CPNE8: variants seen among roughly 807,000 people sequenced by gnomAD.
CPNE8 encodes copine 8.
Under a neutral mutation model 81.5 loss-of-function variants are expected in CPNE8, and 45 were observed. That is an observed-to-expected ratio of 0.55 (90% CI 0.44 to 0.71). The LOEUF is 0.71. Among genes scored for constraint, CPNE8 ranks in the 30% least tolerant of loss-of-function variants. CPNE8 has a pLI of 0.00. For missense variants in CPNE8, 594 were observed against 672.1 expected (o/e 0.88, Z 1.28); for synonymous variants, 252 against 226.3 (o/e 1.11, Z -1.02).
intron 3 of CPNE8, among the ~76,000 whole-genome samples, chr12:38,860,263 A>C (rs1163841452): frequency 6.6e-6 from 1 of 152,000 alleles, no homozygotes; most frequent in South Asian, 2.1e-4. Flanking sequence ...ACATTTCTCC[A>C]AAGAAGATAC....
intron 13 of CPNE8, among the ~76,000 whole-genome samples, chr12:38,708,444 T>C (rs994745246): frequency 6.6e-6 from 1 of 152,100 alleles, no homozygotes; most frequent in Admixed American, 6.6e-5. Flanking sequence ...CACATTTAAA[T>C]CCTCGAAACA....
At chr12:38,788,972 G>A (rs2136923510) in intron 6 of CPNE8, among the ~76,000 whole-genome samples, 1 of 151,808 alleles carries the variant, frequency 6.6e-6, no homozygotes, top group South Asian at 2.1e-4. Context: ...AAAATGAAAA[G>A]ATATTCCATG....
intron 7 of CPNE8, among the ~76,000 whole-genome samples, chr12:38,773,065 G>A (rs1170560340): frequency 1.3e-5 from 2 of 151,946 alleles, no homozygotes; most frequent in Non-Finnish European, 2.9e-5. Context: ...GCCATAAAAA[G>A]ATAAATACTA....
intron 14 of CPNE8, among the ~76,000 whole-genome samples, chr12:38,701,937 GAACT>G (rs1440048653): frequency 2.0e-5 from 3 of 152,160 alleles, no homozygotes; most frequent in Non-Finnish European, 2.9e-5. Flanking sequence ...TCTAACTCTA[GAACT>G]AACAAGTCAA....
At chr12:38,711,098 A>G (rs1565578401) in intron 13 of CPNE8, among the ~76,000 whole-genome samples, 1 of 152,230 alleles carries the variant, frequency 6.6e-6, no homozygotes, top group Non-Finnish European at 1.5e-5. Context: ...AAGAAAAGTT[A>G]TATGTTTCAA....
chr12:38,793,623 G>T (rs973027469), intron 6 of CPNE8, among the ~76,000 whole-genome samples: 17 of 151,926 alleles, frequency 1.1e-4, no homozygotes, highest in Non-Finnish European at 2.5e-4. Flanking sequence ...CTTTAATGTT[G>T]TTAAGATATC....
At chr12:38,749,459 A>G (rs1020885742) in intron 10 of CPNE8, among the ~76,000 whole-genome samples, 2 of 152,210 alleles carry the variant, frequency 1.3e-5, no homozygotes, top group Non-Finnish European at 2.9e-5. Context: ...CAGAGGCTGG[A>G]ACAGCTTGGA....
chr12:38,805,982 C>T (rs369972555), intron 6 of CPNE8, among the ~76,000 whole-genome samples: 1 of 150,340 alleles, frequency 6.7e-6, no homozygotes, highest in Middle Eastern at 3.4e-3. Flanking sequence ...CACCTCTACG[C>T]AAATAAACTA....
chr12:38,822,984 TA>T (rs1319276964), intron 6 of CPNE8, among the ~76,000 whole-genome samples: 1 of 149,646 alleles, frequency 6.7e-6, no homozygotes, highest in Non-Finnish European at 1.5e-5. Flanking sequence ...AGCTGCATGC[TA>T]AAAACATGCC....
At chr12:38,862,397 A>G (rs1371548593) in intron 3 of CPNE8, among the ~76,000 whole-genome samples, 2 of 152,110 alleles carry the variant, frequency 1.3e-5, no homozygotes, top group Non-Finnish European at 2.9e-5. Context: ...AAGCATTCAG[A>G]TGTTGTGGGG....
chr12:38,662,958 C>A lies in CPNE8; in HGVS notation c.1506+7771G>T, dbSNP rs559753231. Among the ~76,000 whole-genome samples the A allele has an allele frequency of 8.5e-5, 13 of 152,084 alleles. 1 individual carries two copies. The East Asian group carries it at 2.5e-3, about 29-fold the overall frequency. On this transcript the variant is annotated intron_variant, in intron 19 of 19. Transcript: ENST00000331366. ...CCATATGCAGAAGAATGAAACTACA[C>A]CCTTATCTATCACCATAAAAAAAAT...
At chr12:38,696,277 C>T (rs1237632733) in intron 14 of CPNE8, among the ~76,000 whole-genome samples, 1 of 151,978 alleles carries the variant, frequency 6.6e-6, no homozygotes, top group Non-Finnish European at 1.5e-5. Context: ...TCTCCTCCTC[C>T]AACTTATGTC....
intron 5 of CPNE8, among the ~76,000 whole-genome samples, chr12:38,835,166 T>C (rs1943359940): frequency 1.3e-5 from 2 of 152,208 alleles, no homozygotes; most frequent in Non-Finnish European, 2.9e-5. Context: ...ATTACAAGCA[T>C]GAGCCACCGC....
chr12:38,669,277 C>G (rs1297668288), intron 19 of CPNE8, among the ~76,000 whole-genome samples: 1 of 152,062 alleles, frequency 6.6e-6, no homozygotes, highest in African/African-American at 2.4e-5. Context: ...ATTTTGCTGA[C>G]TAATGAAGAA....
chr12:38,719,387 C>T (rs907069572), intron 13 of CPNE8, among the ~76,000 whole-genome samples: 5 of 151,902 alleles, frequency 3.3e-5, no homozygotes, highest in South Asian at 2.1e-4. Flanking sequence ...GCAGATCACT[C>T]GAGGCCAGGA....
chr12:38,730,633 A>G (rs1461709398), intron 10 of CPNE8, among the ~76,000 whole-genome samples: 1 of 151,720 alleles, frequency 6.6e-6, no homozygotes, highest in African/African-American at 2.4e-5. Flanking sequence ...TTTTGATAAC[A>G]CATTTCTCAA....
chr12:38,796,275 G>A (rs1273605218), intron 6 of CPNE8, among the ~76,000 whole-genome samples: 3 of 151,106 alleles, frequency 2.0e-5, no homozygotes, highest in African/African-American at 7.3e-5. Context: ...AGAGAGAGTG[G>A]GACTCCATCT....
chr12:38,719,333 G>A (rs912925116), intron 13 of CPNE8, among the ~76,000 whole-genome samples: 1 of 152,104 alleles, frequency 6.6e-6, no homozygotes, highest in Non-Finnish European at 1.5e-5. Context: ...GCTGGGTGTG[G>A]TGGCTCATTC....
chr12:38,704,512 T>A (rs1400850288), intron 13 of CPNE8, among the ~76,000 whole-genome samples: 2 of 152,014 alleles, frequency 1.3e-5, no homozygotes, highest in Non-Finnish European at 2.9e-5. Flanking sequence ...TTGAAAATAT[T>A]TTAAGTCAAA....
Sources: gnomAD v4.1 joint callset for allele counts (sites outside exome capture counted in the v4.1 genomes callset) on GRCh38, gnomAD v4.1.1 for gene constraint, MANE v1.5 for transcripts, NCBI Gene and HGNC (gene_info 2026-07-23, HGNC 2026-07-21) for gene names.